OSBPL2: variants seen among roughly 807,000 people sequenced by gnomAD.
The protein encoded by OSBPL2 is oxysterol-binding protein-related protein 2.
A neutral mutation model predicts 58.4 loss-of-function variants in OSBPL2; 18 were observed. The observed-to-expected ratio is 0.31, with a 90% confidence interval of 0.21 to 0.46. The LOEUF is 0.46. Among genes scored for constraint, OSBPL2 ranks in the 20% least tolerant of loss-of-function variants. OSBPL2 has a pLI of 1.00. For synonymous variants in OSBPL2, 221 were observed against 234.1 expected, an observed-to-expected ratio of 0.94 and a Z score of 0.51; for missense variants, 461 against 616.5, an observed-to-expected ratio of 0.75 and a Z score of 2.67.
Position 62,250,700 on chromosome 20 carries a change from C to A in OSBPL2, c.-128-5357C>A, listed in dbSNP as rs189960983. On this transcript the variant is annotated intron_variant, in intron 1 of 13. Coordinates refer to ENST00000313733, the MANE Select transcript of OSBPL2 (RefSeq NM_144498.4). ...CCTTGGGAGGCTGATTCGGGAGGAT[C>A]ACTTGAGTCCAGGAGTTCAGCACTA... Among the ~76,000 whole-genome samples, 194 of 152,280 alleles carry A rather than the reference C, an allele frequency of 1.3e-3. No individual in the cohort carries two copies. In the Middle Eastern group the frequency reaches 0.014, roughly 11 times the overall value.
Position 62,281,821 on chromosome 20 carries a change from C to T in OSBPL2, c.814C>T (p.Pro272Ser). The T allele has an allele frequency of 1.2e-6, 2 of 1,612,276 alleles. No homozygotes were observed. Among genetic ancestry groups the T allele is most frequent in the Non-Finnish European group, 1.7e-6 (2 of 1,178,426 alleles). ...TGHKCVLHFKPCGLFGKELHK... is the reference protein window; with the variant it reads ...TGHKCVLHFKSCGLFGKELHK... ...ACATAAGTGTGTGCTTCACTTTAAA[C>T]CGTGTGGATTATTTGGAAAAGAACT... Residue 272 changes from proline (P) to serine (S), a missense_variant, in exon 9 of 14, where the codon CCG becomes TCG. Physicochemically the swap from Pro to Ser is moderately conservative, Grantham distance 74. Transcript: ENST00000313733.
intron 10 of OSBPL2, chr20:62,285,923 ATC>A (rs1983090689): frequency 6.7e-6 from 1 of 149,240 alleles, no homozygotes; most frequent in African/African-American, 2.5e-5. Context: ...ACCTTCTGTC[ATC>A]TCCGTGAAGG....
chr20:62,290,413 T>G (rs1983420165), intron 12 of OSBPL2, among the ~76,000 whole-genome samples: 2 of 35,742 alleles, frequency 5.6e-5, no homozygotes, highest in Non-Finnish European at 1.2e-4. Context: ...TTTTTTGGGT[T>G]TTTTTTTTTT....
At chr20:62,286,754 C>T (rs1408533822) in intron 11 of OSBPL2, 43 bp downstream of exon 11, 2 of 1,583,478 alleles carry the variant, frequency 1.3e-6, no homozygotes, top group Non-Finnish European at 1.7e-6. Context: ...CTGCTCATGT[C>T]ACACCCACCT....
chr20:62,240,479 C>T (rs2145906739), intron 1 of OSBPL2, among the ~76,000 whole-genome samples: 1 of 152,318 alleles, frequency 6.6e-6, no homozygotes, highest in East Asian at 1.9e-4. Flanking sequence ...CAACAGTCCA[C>T]TGGGCAGGTA....
chr20:62,258,764 A>G (rs61067066), intron 2 of OSBPL2, among the ~76,000 whole-genome samples: 6,061 of 152,012 alleles, frequency 0.04, 352 homozygotes, highest in African/African-American at 0.13. Context: ...GGGTGGGGGC[A>G]GGTCCTGCCC....
Position 62,294,226 on chromosome 20 carries a change from A to C in OSBPL2, c.*339A>C, listed in dbSNP as rs1983718604. On this transcript the variant is annotated 3_prime_UTR_variant, in exon 14 of 14. Coordinates refer to ENST00000313733, the MANE Select transcript of OSBPL2 (RefSeq NM_144498.4). ...CAGTCATAGCATGTGTAGCTAAAGG[A>C]AGTAATGGGAAGGGGTTCATGTTCT... 3.1e-6 allele frequency: 1 copy of C among 322,414 alleles called. No individual in the cohort carries two copies. The highest frequency in any genetic ancestry group is 5.7e-6 in the Non-Finnish European group (1 of 176,124). The allele number at this position is 322,414 out of a possible 1,614,324, so 20.0% of individuals were successfully genotyped here. A position where few individuals can be genotyped will look rare whatever the true frequency, so the allele number is the denominator to read the frequency against.
Position 62,289,132 on chromosome 20 carries a change from C to T in OSBPL2, c.1126-75C>T. The T allele has an allele frequency of 5.2e-6, 8 of 1,544,512 alleles. No homozygotes were observed. In the Admixed American group the frequency reaches 7.1e-5, roughly 14 times the overall value. ...GTAGCACCTGCGGGATTTCAGGGGC[C>T]CACTGGGGGTCTTGGAGCATAGTCC... On this transcript the variant is annotated intron_variant, in intron 11 of 13. Transcript: ENST00000313733.
intron 2 of OSBPL2, among the ~76,000 whole-genome samples, chr20:62,257,959 C>T (rs1981042257): frequency 6.6e-6 from 1 of 152,292 alleles, no homozygotes; most frequent in South Asian, 2.1e-4. Flanking sequence ...AGGTGATCCA[C>T]CTGCCTTGGC....
At chr20:62,276,588 C>T (rs1263980376) in intron 6 of OSBPL2, among the ~76,000 whole-genome samples, 3 of 152,218 alleles carry the variant, frequency 2.0e-5, no homozygotes, top group Admixed American at 6.5e-5. Context: ...GGCAGCCGAG[C>T]ACCTGTTCTC....
chr20:62,263,902 A>G (rs949629979), intron 4 of OSBPL2, among the ~76,000 whole-genome samples: 4 of 152,088 alleles, frequency 2.6e-5, no homozygotes, highest in African/African-American at 9.7e-5. Flanking sequence ...CGTCTCTACT[A>G]AAAATTCCAA....
chr20:62,281,210 G>T, intron 8 of OSBPL2, 45 bp downstream of exon 8: 1 of 1,419,820 alleles, frequency 7.0e-7, no homozygotes, highest in Non-Finnish European at 9.9e-7. Context: ...GCTCCGGGTG[G>T]GGATGGGCGA....
At chr20:62,257,607 G>T (rs915412833) in intron 2 of OSBPL2, among the ~76,000 whole-genome samples, 1 of 152,060 alleles carries the variant, frequency 6.6e-6, no homozygotes, top group Non-Finnish European at 1.5e-5. Context: ...TGCCACGTCT[G>T]TCACAGAGAG....
At chr20:62,272,650 A>G (rs58896128) in intron 5 of OSBPL2, among the ~76,000 whole-genome samples, 16,104 of 152,122 alleles carry the variant, frequency 0.11, 1,199 homozygotes, top group African/African-American at 0.2. Flanking sequence ...TGTAATCCCA[A>G]CACTTCGGGA....
chr20:62,242,693 TGGGGGCTGTGGCCCCGAC>T (rs1323747825), intron 1 of OSBPL2: 6 of 152,348 alleles, frequency 3.9e-5, no homozygotes, highest in African/African-American at 1.4e-4. Context: ...ACTGAGGGCC[TGGGGGCTGTGGCCCCGAC>T]GCTGAGGCAA....
chr20:62,246,580 G>A (rs1980130222), intron 1 of OSBPL2, among the ~76,000 whole-genome samples: 1 of 152,206 alleles, frequency 6.6e-6, no homozygotes, highest in African/African-American at 2.4e-5. Context: ...TGAAATGCTA[G>A]CTGAGAAGCA....
chr20:62,258,263 C>T (rs1601162466), intron 2 of OSBPL2, among the ~76,000 whole-genome samples: 7 of 152,362 alleles, frequency 4.6e-5, no homozygotes, highest in Admixed American at 4.6e-4. Context: ...GAAAAAACCA[C>T]TTCATCTCTT....
At chr20:62,278,114 A>C (rs1601187843) in intron 6 of OSBPL2, among the ~76,000 whole-genome samples, 1 of 152,224 alleles carries the variant, frequency 6.6e-6, no homozygotes, top group East Asian at 1.9e-4. Flanking sequence ...CAAGCGGGGC[A>C]TCAGGGTGGA....
chr20:62,262,565 C>T (rs1484153632), intron 3 of OSBPL2, among the ~76,000 whole-genome samples: 4 of 152,218 alleles, frequency 2.6e-5, no homozygotes, highest in Non-Finnish European at 5.9e-5. Flanking sequence ...TCCGGCAGCC[C>T]GGGCCTGGTA....
Sources: gnomAD v4.1 joint callset for allele counts (sites outside exome capture counted in the v4.1 genomes callset) on GRCh38, gnomAD v4.1.1 for gene constraint, MANE v1.5 for transcripts, NCBI Gene and HGNC (gene_info 2026-07-23, HGNC 2026-07-21) for gene names.